Variants in WNT3 observed in about 807,000 individuals in gnomAD.
WNT3 encodes the protein Wnt family member 3, also known as proto-oncogene Wnt-3.
WNT3 carries 7 observed loss-of-function variants against 34.2 expected under a neutral mutation model. The ratio of observed to expected loss-of-function variants is 0.20; its 90% CI spans 0.12 to 0.38. WNT3 has a LOEUF of 0.38. WNT3 is among the 10% of genes least tolerant of loss of function. The probability of loss-of-function intolerance (pLI) is 1.00; values close to 1 mark genes in which losing one functional copy is unlikely to be tolerated. For missense variants in WNT3, 267 were observed against 499.8 expected (o/e 0.53, Z 4.44); for synonymous variants, 212 against 211.5 (o/e 1.00, Z -0.02).
At chr17:46,802,896 C>T (rs1437007884) in intron 1 of WNT3, among the ~76,000 whole-genome samples, 1 of 152,124 alleles carries the variant, frequency 6.6e-6, no homozygotes, top group African/African-American at 2.4e-5. Context: ...GTTCTGCGAG[C>T]CACTCTAGCA....
chr17:46,770,028 C>T lies in WNT3; in HGVS notation c.343G>A (p.Val115Ile). ...ACGCCGGCCGAGGCGATGGCGTGAA[C>T]GAAGGCCGACTCGCGGGTGGCTGCG... ...LDKATRESAF[V>I]HAIASAGVAF... Residue 115 changes from valine (V) to isoleucine (I), a missense_variant, in exon 3 of 5, where the codon GTT (valine) becomes ATT (isoleucine). Physicochemically the swap from Val to Ile is conservative, Grantham distance 29. Around this residue, in one of 3 missense-constraint regions of WNT3, gnomAD observed 181 missense variants for 391.3 expected, o/e 0.46. Coordinates refer to ENST00000225512, the MANE Select transcript of WNT3 (RefSeq NM_030753.5). 6.4e-7 allele frequency: 1 copy of T among 1,565,334 alleles called. No individual in the cohort carries two copies. Among genetic ancestry groups the T allele is most frequent in the Non-Finnish European group, 8.7e-7 (1 of 1,155,324 alleles).
At chr17:46,799,861 C>T (rs2084101767) in intron 1 of WNT3, among the ~76,000 whole-genome samples, 1 of 152,282 alleles carries the variant, frequency 6.6e-6, no homozygotes, top group East Asian at 1.9e-4. Flanking sequence ...CCACCCAAAG[C>T]AAAGTTCTAG....
intron 1 of WNT3, among the ~76,000 whole-genome samples, chr17:46,808,589 G>T (rs995064036): frequency 7.9e-5 from 12 of 152,164 alleles, no homozygotes; most frequent in Non-Finnish European, 1.5e-4. Flanking sequence ...AAACTGGCAA[G>T]AATTAGATTC....
At chr17:46,806,593 C>G (rs952474091) in intron 1 of WNT3, among the ~76,000 whole-genome samples, 10 of 152,198 alleles carry the variant, frequency 6.6e-5, no homozygotes, top group Admixed American at 1.3e-4. Context: ...GTGCAGAGGT[C>G]ACAGACTCCA....
intron 1 of WNT3, among the ~76,000 whole-genome samples, chr17:46,790,610 T>A (rs559473785): frequency 6.6e-6 from 1 of 152,250 alleles, no homozygotes; most frequent in South Asian, 2.1e-4. Flanking sequence ...TCCAAGTTGT[T>A]AGGATCAACC....
In WNT3 at chr17:46,771,143, C is replaced by A. The variant is rs373634057; in HGVS notation, c.323-1095G>T. On this transcript the variant is annotated intron_variant, in intron 2 of 4. Coordinates refer to ENST00000225512, the MANE Select transcript of WNT3 (RefSeq NM_030753.5). The stretch of plus-strand genomic sequence containing the variant: ...GCGGCCGCTCTCCGCGGCCCCCACG[C>A]CCTCCTGCGCCACCTACAGAGGGGC... Among the ~76,000 whole-genome samples the A allele has an allele frequency of 3.2e-4, 48 of 152,322 alleles. No individual in the cohort carries two copies. In the East Asian group the frequency reaches 8.9e-3, roughly 28 times the overall value.
In WNT3 at chr17:46,763,275, T is replaced by C. The variant is rs1219521274; in HGVS notation, c.*1355A>G. The C allele has an allele frequency of 2.6e-5, 4 of 152,276 alleles. No homozygotes were observed. The highest frequency in any genetic ancestry group is 4.4e-5 in the Non-Finnish European group (3 of 68,080). 9.4% of individuals were successfully genotyped at this position (152,276 alleles called of 1,614,324 possible). ...GAACCAATTCATACTGTGAAATCCA[T>C]GTGCCTCCCTTTTGCTAGCTTTCTC... On this transcript the variant is annotated 3_prime_UTR_variant, in exon 5 of 5. Transcript: ENST00000225512.
chr17:46,771,926 C>CCCGCCGCGCCG (rs1459589919), intron 2 of WNT3, among the ~76,000 whole-genome samples: 4 of 145,294 alleles, frequency 2.8e-5, no homozygotes, highest in African/African-American at 4.9e-5. Flanking sequence ...GCGCCTCGGG[C>CCCGCCGCGCCG]CCGCCGCGCC....
intron 1 of WNT3, among the ~76,000 whole-genome samples, chr17:46,790,835 C>T (rs1028035258): frequency 5.3e-5 from 8 of 152,192 alleles, no homozygotes; most frequent in African/African-American, 7.2e-5. Context: ...ACTGCGCTCG[C>T]GTTTTATGTG....
intron 1 of WNT3, among the ~76,000 whole-genome samples, chr17:46,778,426 G>A (rs763914173): frequency 4.6e-5 from 7 of 152,152 alleles, no homozygotes; most frequent in Non-Finnish European, 8.8e-5. Flanking sequence ...GGCCTCTGGC[G>A]ATGGGGCTTA....
At chr17:46,781,150 C>A in intron 1 of WNT3, among the ~76,000 whole-genome samples, 1 of 151,696 alleles carries the variant, frequency 6.6e-6, no homozygotes, top group East Asian at 1.9e-4. Flanking sequence ...ATTGCTTGAA[C>A]CTGAGAGGCA....
At chr17:46,793,271 C>CT (rs1337465501) in intron 1 of WNT3, among the ~76,000 whole-genome samples, 5 of 16,758 alleles carry the variant, frequency 3.0e-4, no homozygotes, top group African/African-American at 6.6e-4. Flanking sequence ...GAGACCCTGT[C>CT]TAAAAAAAAA....
At chr17:46,796,194 C>T (rs2084052157) in intron 1 of WNT3, among the ~76,000 whole-genome samples, 1 of 152,112 alleles carries the variant, frequency 6.6e-6, no homozygotes, top group African/African-American at 2.4e-5. Context: ...GAAAAACATC[C>T]CCCACTTCAA....
chr17:46,779,108 A>G (rs1335014322), intron 1 of WNT3, among the ~76,000 whole-genome samples: 1 of 32,478 alleles, frequency 3.1e-5, no homozygotes, highest in Admixed American at 3.1e-4. Flanking sequence ...CACACACCCC[A>G]GCCCACTCGG....
chr17:46,818,534 C>A lies in WNT3; in HGVS notation c.64G>T (p.Gly22Cys). Residue 22 changes from glycine to cysteine, a missense_variant, in exon 1 of 5, where the codon GGC (glycine) becomes TGC (cysteine). Transcript: ENST00000225512. ...LLLGGTRVLA[G>C]YPIWWSLALG... ...GAGTCTTACCACCAAATTGGGTAGC[C>A]AGCGAGGACCCTGGTGCCACCGAGC... 1 of 1,608,108 alleles carries A rather than the reference C, an allele frequency of 6.2e-7. No homozygotes were observed. Among genetic ancestry groups the A allele is most frequent in the Non-Finnish European group, 8.5e-7 (1 of 1,178,228 alleles).
At chr17:46,785,061 G>A (rs1354310147) in intron 1 of WNT3, among the ~76,000 whole-genome samples, 1 of 152,182 alleles carries the variant, frequency 6.6e-6, no homozygotes, top group Non-Finnish European at 1.5e-5. Flanking sequence ...ACAGGCGTGA[G>A]CCACCGTGCC....
At chr17:46,793,271 C>A (rs1486877996) in intron 1 of WNT3, among the ~76,000 whole-genome samples, 1 of 16,758 alleles carries the variant, frequency 6.0e-5, no homozygotes, top group Non-Finnish European at 1.5e-4. Flanking sequence ...GAGACCCTGT[C>A]TAAAAAAAAA....
At chr17:46,808,946 A>C (rs1301304592) in intron 1 of WNT3, among the ~76,000 whole-genome samples, 3 of 152,190 alleles carry the variant, frequency 2.0e-5, no homozygotes, top group Non-Finnish European at 4.4e-5. Flanking sequence ...CAGGGCTGTT[A>C]GCTACATGAC....
At chr17:46,773,623 T>TGCC in intron 2 of WNT3, 45 bp downstream of exon 2, 22 of 383,486 alleles carry the variant, frequency 5.7e-5, no homozygotes, top group Non-Finnish European at 1.0e-4. Flanking sequence ...TCCTGATCCC[T>TGCC]CCCCCCACCC....
Sources: gnomAD v4.1 joint callset for allele counts (sites outside exome capture counted in the v4.1 genomes callset) on GRCh38, gnomAD v4.1.1 for gene constraint, gnomAD v4.1.1 regional missense constraint, MANE v1.5 for transcripts, NCBI Gene and HGNC (gene_info 2026-07-23, HGNC 2026-07-21) for gene names.